The following CSMD3 variants were observed in gnomAD, a reference collection of about 807,000 sequenced individuals.
The protein encoded by CSMD3 is CUB and Sushi multiple domains 3.
CSMD3 carries 177 observed loss-of-function variants against 435.2 expected under a neutral mutation model. That is an observed-to-expected ratio of 0.41 (90% CI 0.36 to 0.46). CSMD3 has a LOEUF of 0.46. CSMD3 is among the 20% of genes least tolerant of loss of function. The pLI is 0.34. For synonymous variants in CSMD3, 1,656 were observed against 1,520.5 expected (o/e 1.09, Z -2.07); for missense variants, 4,265 against 4,504.6 (o/e 0.95, Z 1.52).
At position 113,314,724 on chromosome 8, in the gene CSMD3, T is replaced by C. The variant is rs762139566; in HGVS notation, c.248A>G (p.Tyr83Cys). The C allele has an allele frequency of 6.2e-7, 1 of 1,612,144 alleles. No homozygotes were observed. Among genetic ancestry groups the C allele is most frequent in the Middle Eastern group, 1.7e-4 (1 of 6,050 alleles). The change falls in exon 2 of 71, where the codon TAT becomes TGT. Residue 83 changes from tyrosine (Y) to cysteine (C), a missense_variant. This residue lies in a region of CSMD3 where 731 missense variants were observed against 755.4 expected (regional missense o/e 0.97). Coordinates refer to ENST00000297405, the MANE Select transcript of CSMD3 (RefSeq NM_198123.2). ...GCAGTTTGCACCATTTGGATATCCA[T>C]ATGGAAAACCAGGGCTTTCTATAGT... Reference protein sequence around the residue: ...NGTIESPGFPYGYPNGANCTW... With the variant: ...NGTIESPGFPCGYPNGANCTW...
chr8:113,432,729 T>A (rs2130098331), intron 1 of CSMD3, among the ~76,000 whole-genome samples: 1 of 152,292 alleles, frequency 6.6e-6, no homozygotes, highest in Non-Finnish European at 1.5e-5. Context: ...AGGACAGCGC[T>A]GCGGTCCGCC....
chr8:112,333,668 A>C (rs2130936909), intron 45 of CSMD3, among the ~76,000 whole-genome samples: 1 of 111,792 alleles, frequency 8.9e-6, no homozygotes, highest in Admixed American at 9.5e-5. Context: ...ATTCTGTCTC[A>C]TACACACACA....
At chr8:112,600,143 T>G (rs576302148) in intron 22 of CSMD3, among the ~76,000 whole-genome samples, 31 of 152,080 alleles carry the variant, frequency 2.0e-4, no homozygotes, top group Non-Finnish European at 3.8e-4. Flanking sequence ...GAAAAAAATC[T>G]ATGTGATTTT....
intron 5 of CSMD3, among the ~76,000 whole-genome samples, chr8:113,082,305 T>A (rs897922926): frequency 7.2e-5 from 11 of 152,120 alleles, no homozygotes; most frequent in Non-Finnish European, 1.3e-4. Flanking sequence ...CTGTCCCTGT[T>A]CCCAGCAAAG....
At chr8:113,019,582 A>C (rs10955641) in intron 5 of CSMD3, among the ~76,000 whole-genome samples, 90,085 of 149,000 alleles carry the variant, frequency 0.6, 28,826 homozygotes, top group East Asian at 0.95. Context: ...TTGTATTCTT[A>C]TTGTTAATAA....
intron 22 of CSMD3, among the ~76,000 whole-genome samples, chr8:112,613,330 TGCTCTATAAA>T (rs1241227346): frequency 6.6e-6 from 1 of 152,156 alleles, no homozygotes; most frequent in East Asian, 1.9e-4. Flanking sequence ...GGAGAAAAAG[TGCTCTATAAA>T]GCATAAATGG....
rs1265870198 is a variant in CSMD3, at chr8:112,680,007, A to ATTCCT, written c.2677+2430_2677+2434dup. 1.2e-4 allele frequency among the ~76,000 whole-genome samples: 18 copies of ATTCCT among 152,264 alleles called. No homozygotes were observed. In the East Asian group the frequency reaches 3.3e-3, roughly 28 times the overall value. Reference sequence around the variant, plus strand: ...CCTGCAGTCACACTGAACTGGCTCTATTCCTTTTGCCTGAAACACACTTTT... The same window carrying ATTCCT: ...CCTGCAGTCACACTGAACTGGCTCTATTCCTTTCCTTTTGCCTGAAACACACTTTT... On this transcript the variant is annotated intron_variant, in intron 16 of 70. Transcript: ENST00000297405.
At chr8:112,599,639 A>G (rs1338230718) in intron 22 of CSMD3, among the ~76,000 whole-genome samples, 1 of 151,766 alleles carries the variant, frequency 6.6e-6, no homozygotes, top group African/African-American at 2.4e-5. Flanking sequence ...ACAGTGATAA[A>G]CTGGATTAAG....
At chr8:113,116,210 T>C (rs2090823354) in intron 4 of CSMD3, among the ~76,000 whole-genome samples, 1 of 152,176 alleles carries the variant, frequency 6.6e-6, no homozygotes, top group Non-Finnish European at 1.5e-5. Context: ...GAATTGTAGT[T>C]CCCATAATCA....
intron 2 of CSMD3, among the ~76,000 whole-genome samples, chr8:113,306,649 T>C (rs16884505): frequency 0.14 from 20,656 of 152,106 alleles, 2,522 homozygotes; most frequent in African/African-American, 0.32. Flanking sequence ...CTATGGGACA[T>C]TGAGGGAGCA....
At chr8:112,719,210 A>T (rs2131959525) in intron 13 of CSMD3, among the ~76,000 whole-genome samples, 1 of 152,284 alleles carries the variant, frequency 6.6e-6, no homozygotes, top group Middle Eastern at 3.4e-3. Context: ...ACTAAGTAAA[A>T]GTTATGACTA....
chr8:112,320,542 A>G lies in CSMD3; in HGVS notation c.7166-561T>C, dbSNP rs529120306. On this transcript the variant is annotated intron_variant, in intron 45 of 70. Transcript: ENST00000297405. ...TACAGGGTACATGTGCACAACGTGC[A>G]GGTTTGTTACATATGTATACATGTG... Among the ~76,000 whole-genome samples the G allele has an allele frequency of 4.0e-5, 6 of 151,562 alleles. No individual in the cohort carries two copies. In the South Asian group the frequency reaches 1.0e-3, roughly 26 times the overall value.
chr8:112,951,497 T>A (rs550075834), intron 8 of CSMD3, among the ~76,000 whole-genome samples: 1 of 151,928 alleles, frequency 6.6e-6, no homozygotes, highest in African/African-American at 2.4e-5. Context: ...AAAAATTAAT[T>A]TAAATTTTTA....
chr8:113,083,121 A>G (rs1243322731), intron 5 of CSMD3, among the ~76,000 whole-genome samples: 1 of 152,128 alleles, frequency 6.6e-6, no homozygotes, highest in Non-Finnish European at 1.5e-5. Context: ...AAAGTGATAG[A>G]TTTTGGCAGT....
chr8:112,339,267 C>A (rs959461792), intron 42 of CSMD3, among the ~76,000 whole-genome samples: 2 of 151,840 alleles, frequency 1.3e-5, no homozygotes, highest in Non-Finnish European at 2.9e-5. Context: ...TTGCTTTTTG[C>A]AACCAATCAG....
chr8:113,197,747 CAAT>C (rs1395889847), intron 3 of CSMD3, among the ~76,000 whole-genome samples: 2 of 151,070 alleles, frequency 1.3e-5, no homozygotes, highest in African/African-American at 2.4e-5. Context: ...ATTTTTCTGT[CAAT>C]AATAATTGTA....
intron 5 of CSMD3, among the ~76,000 whole-genome samples, chr8:113,076,122 T>C (rs904741470): frequency 7.3e-5 from 11 of 151,668 alleles, no homozygotes; most frequent in Non-Finnish European, 4.4e-5. Flanking sequence ...CATGGAACTT[T>C]TTATTTGTGA....
At chr8:113,090,216 T>A (rs1362324808) in intron 5 of CSMD3, among the ~76,000 whole-genome samples, 1 of 152,096 alleles carries the variant, frequency 6.6e-6, no homozygotes, top group Non-Finnish European at 1.5e-5. Flanking sequence ...TTAGTCAAGT[T>A]AGGCATAGGC....
chr8:112,499,243 A>G (rs926035756), intron 30 of CSMD3, among the ~76,000 whole-genome samples: 1 of 152,156 alleles, frequency 6.6e-6, no homozygotes, highest in African/African-American at 2.4e-5. Flanking sequence ...TAAATATACT[A>G]AATCCAAGGT....
Sources: gnomAD v4.1 joint callset for allele counts (sites outside exome capture counted in the v4.1 genomes callset) on GRCh38, gnomAD v4.1.1 for gene constraint, gnomAD v4.1.1 regional missense constraint, MANE v1.5 for transcripts, NCBI Gene and HGNC (gene_info 2026-07-23, HGNC 2026-07-21) for gene names.